The following PDE8A variants were observed in gnomAD, a reference collection of about 807,000 sequenced individuals.
PDE8A encodes phosphodiesterase 8A, also known as high affinity cAMP-specific and IBMX-insensitive 3',5'-cyclic phosphodiesterase 8A.
In PDE8A, 59 loss-of-function variants were observed where a neutral mutation model predicts 105.0. That is an observed-to-expected ratio of 0.56 (90% CI 0.46 to 0.70). PDE8A has a LOEUF of 0.70. PDE8A is among the 30% of genes least tolerant of loss of function. PDE8A has a pLI of 0.00. For missense variants in PDE8A, 1,014 were observed against 1,045.9 expected (o/e 0.97, Z 0.42); for synonymous variants, 355 against 371.9 (o/e 0.95, Z 0.52).
At chr15:85,118,688 G>T (rs1455541791) in intron 17 of PDE8A, among the ~76,000 whole-genome samples, 1 of 152,202 alleles carries the variant, frequency 6.6e-6, no homozygotes, top group East Asian at 1.9e-4. Flanking sequence ...CCACTTTTGG[G>T]CCATGCCAAA....
intron 19 of PDE8A, among the ~76,000 whole-genome samples, chr15:85,124,198 A>C (rs944719315): frequency 2.6e-5 from 4 of 152,208 alleles, no homozygotes; most frequent in African/African-American, 9.7e-5. Flanking sequence ...AGGAGTCTCC[A>C]GCTGAGGAAG....
chr15:85,076,150 C>T lies in PDE8A; in HGVS notation c.491+232C>T, dbSNP rs749742804. On this transcript the variant is annotated intron_variant, in intron 4 of 21. Transcript: ENST00000394553. ...AACTGCCTTTCACTTTAGAAACAGG[C>T]GAACTATGAGAGAATTCCATTCCTA... Among the ~76,000 whole-genome samples, 6 of 152,046 alleles carry T rather than the reference C, an allele frequency of 3.9e-5. No individual in the cohort carries two copies. The South Asian group carries it at 8.3e-4, about 21-fold the overall frequency.
intron 8 of PDE8A, chr15:85,097,681 G>A: frequency 2.7e-6 from 1 of 367,184 alleles, no homozygotes; most frequent in South Asian, 3.2e-5. Flanking sequence ...TTATTTGGGG[G>A]TCCAGGACCC....
chr15:84,982,197 G>T lies in PDE8A; in HGVS notation c.35G>T (p.Arg12Leu), dbSNP rs1268550470. The change falls in exon 1 of 22, where the codon CGC becomes CTC. Residue 12 changes from arginine (R) to leucine (L), a missense_variant. By Grantham distance (102) the Arg-to-Leu change is moderately radical. Transcript: ENST00000394553. ...GCCCCGAGCATCCACATTTCCGAGC[G>T]CCTGGTGGCCGAGGACGCGCCTAGC... ...GCAPSIHISE[R>L]LVAEDAPSPA... is the part of the protein sequence containing the mutation. 2 of 1,483,458 alleles carry T rather than the reference G, an allele frequency of 1.3e-6. No individual in the cohort carries two copies. Among genetic ancestry groups the T allele is most frequent in the Non-Finnish European group, 1.8e-6 (2 of 1,126,422 alleles). The allele number at this position is 1,483,458 out of a possible 1,614,324, so 91.9% of individuals were successfully genotyped here. A position where few individuals can be genotyped will look rare whatever the true frequency, so the allele number is the denominator to read the frequency against.
intron 1 of PDE8A, among the ~76,000 whole-genome samples, chr15:85,050,100 T>G (rs978237881): frequency 2.6e-5 from 4 of 152,150 alleles, no homozygotes; most frequent in Non-Finnish European, 5.9e-5. Flanking sequence ...TATTGGCCCT[T>G]TCTTTTATTA....
At chr15:85,046,529 A>G (rs1309732529) in intron 1 of PDE8A, among the ~76,000 whole-genome samples, 1 of 152,216 alleles carries the variant, frequency 6.6e-6, no homozygotes. Context: ...TTTGAATACC[A>G]TGTACTAGAC....
rs766218915 is a variant in PDE8A, at chr15:85,076,751, G to A, written c.510G>A (p.Leu170=). 24 of 1,597,926 alleles carry A rather than the reference G, an allele frequency of 1.5e-5. No homozygotes were observed. Among genetic ancestry groups the A allele is most frequent in the Non-Finnish European group, 2.1e-5 (24 of 1,165,378 alleles). ...GVVRRVDREE[L]SVMPFISAGF... is the part of the protein sequence containing the mutation. ...TTTGAAGGGTGGATAGAGAAGAGTT[G>A]TCCGTAATGCCTTTCATTTCTGCTG... Residue 170 remains leucine (L), a synonymous_variant, in exon 5 of 22, where the codon TTG becomes TTA. Transcript: ENST00000394553.
At chr15:85,081,313 G>A (rs1438586060) in intron 5 of PDE8A, among the ~76,000 whole-genome samples, 1 of 152,178 alleles carries the variant, frequency 6.6e-6, no homozygotes. Context: ...ACTCACTGCT[G>A]GGTGCACATT....
At chr15:85,063,796 T>C (rs760990437) in intron 1 of PDE8A, 1 of 152,662 alleles carries the variant, frequency 6.6e-6, no homozygotes, top group Non-Finnish European at 1.5e-5. Context: ...GATATTACAT[T>C]TATCTTTGAT....
At chr15:85,107,401 T>G (rs1451894037) in intron 11 of PDE8A, among the ~76,000 whole-genome samples, 2 of 152,338 alleles carry the variant, frequency 1.3e-5, no homozygotes, top group Admixed American at 6.5e-5. Context: ...TGGATTTTTG[T>G]TTTACAACGA....
intron 1 of PDE8A, among the ~76,000 whole-genome samples, chr15:85,016,692 C>CA (rs1397513160): frequency 6.6e-6 from 1 of 152,124 alleles, no homozygotes; most frequent in Non-Finnish European, 1.5e-5. Context: ...GAAGAAAACT[C>CA]AAAGGTTTTT....
intron 8 of PDE8A, among the ~76,000 whole-genome samples, chr15:85,095,366 C>G (rs2141546382): frequency 6.6e-6 from 1 of 152,144 alleles, no homozygotes; most frequent in Middle Eastern, 3.4e-3. Context: ...TTCCTCAAGA[C>G]AGAGTCTCAC....
At chr15:85,018,574 C>T (rs289416) in intron 1 of PDE8A, among the ~76,000 whole-genome samples, 104,643 of 151,952 alleles carry the variant, frequency 0.69, 36,480 homozygotes, top group Non-Finnish European at 0.75. Flanking sequence ...GAATAAGTAA[C>T]ATTGCCATGA....
intron 1 of PDE8A, among the ~76,000 whole-genome samples, chr15:85,002,637 A>G (rs907320378): frequency 1.3e-5 from 2 of 152,250 alleles, no homozygotes; most frequent in African/African-American, 4.8e-5. Flanking sequence ...AAAGGCCGAG[A>G]AGCGATTCCC....
chr15:84,983,036 C>G (rs2079744777), intron 1 of PDE8A, among the ~76,000 whole-genome samples: 1 of 152,176 alleles, frequency 6.6e-6, no homozygotes, highest in Non-Finnish European at 1.5e-5. Flanking sequence ...CATTTTGTGA[C>G]TGGGGTTTTT....
At chr15:85,105,640 G>A (rs2081936968) in intron 11 of PDE8A, among the ~76,000 whole-genome samples, 1 of 152,154 alleles carries the variant, frequency 6.6e-6, no homozygotes, top group African/African-American at 2.4e-5. Context: ...TATTGAAAGG[G>A]TGGGCAGAGT....
chr15:85,087,001 A>G (rs1020376082), intron 6 of PDE8A, among the ~76,000 whole-genome samples: 22 of 148,890 alleles, frequency 1.5e-4, no homozygotes, highest in African/African-American at 5.4e-4. Context: ...GACTAGTGCT[A>G]GGATTACAGG....
intron 2 of PDE8A, among the ~76,000 whole-genome samples, chr15:85,066,583 A>AACACACACACACACACACACACAC (rs57124766): frequency 8.6e-6 from 1 of 116,942 alleles, no homozygotes; most frequent in Non-Finnish European, 1.8e-5. Flanking sequence ...ATCCCCCCAA[A>AACACACACACACACACACACACAC]ACACACACAC....
At chr15:85,079,198 G>T (rs1269878857) in intron 5 of PDE8A, among the ~76,000 whole-genome samples, 2 of 152,134 alleles carry the variant, frequency 1.3e-5, no homozygotes, top group Non-Finnish European at 2.9e-5. Flanking sequence ...TCTTTTAAAA[G>T]AAGGGACATA....
Sources: allele counts gnomAD v4.1 joint callset (sites outside exome capture counted in the v4.1 genomes callset), GRCh38; gene constraint gnomAD v4.1.1; transcripts MANE v1.5; gene names NCBI Gene and HGNC (gene_info 2026-07-23, HGNC 2026-07-21).